ANO4: variants seen among roughly 807,000 people sequenced by gnomAD.
ANO4 encodes the protein anoctamin-4.
Under a neutral mutation model 141.9 loss-of-function variants are expected in ANO4, and 69 were observed. The ratio of observed to expected loss-of-function variants is 0.49; its 90% confidence interval spans 0.40 to 0.59. The LOEUF (loss-of-function observed/expected upper bound fraction) is 0.59. ANO4 is among the 20% of genes least tolerant of loss of function. The pLI, the probability that ANO4 is intolerant of heterozygous loss-of-function variation, is 0.00. For synonymous variants in ANO4, 350 were observed against 394.3 expected (o/e 0.89, Z 1.33); for missense variants, 894 against 1,162.2 (o/e 0.77, Z 3.36).
chr12:100,978,351 G>A (rs4764776), intron 7 of ANO4, among the ~76,000 whole-genome samples: 69,903 of 152,146 alleles, frequency 0.46, 16,642 homozygotes, highest in East Asian at 0.64. Flanking sequence ...TGCTCAAACA[G>A]TGGGGGTGGG....
At chr12:101,066,692 C>A in intron 14 of ANO4, 1 of 680,728 alleles carries the variant, frequency 1.5e-6, no homozygotes, top group Non-Finnish European at 2.7e-6. Context: ...CCTCCTGGAG[C>A]ACAGCAAGGT....
chr12:100,921,983 T>TA (rs2041653076), intron 2 of ANO4, among the ~76,000 whole-genome samples: 3 of 152,052 alleles, frequency 2.0e-5, no homozygotes. Context: ...TGTTTCCTTA[T>TA]AAAAAAGTAG....
In ANO4 at chr12:101,003,648, C is replaced by A. The variant is rs1339850805; in HGVS notation, c.734+15978C>A. Among the ~76,000 whole-genome samples, 6 of 151,942 alleles carry A rather than the reference C, an allele frequency of 3.9e-5. No individual in the cohort carries two copies. In the South Asian group the frequency reaches 6.2e-4, roughly 16 times the overall value. On this transcript the variant is annotated intron_variant, in intron 8 of 27. Transcript: ENST00000392977. ...TACGGGGCTCAGATGATGTCTCATA[C>A]TTTTTTTTATGATTTACACGTAATT...
At chr12:100,907,723 C>T (rs1235118325) in intron 2 of ANO4, among the ~76,000 whole-genome samples, 2 of 152,164 alleles carry the variant, frequency 1.3e-5, no homozygotes, top group Admixed American at 6.5e-5. Flanking sequence ...AAACTCATCC[C>T]TAGCTATTTT....
At chr12:101,100,719 T>A (rs1294581638) in intron 22 of ANO4, among the ~76,000 whole-genome samples, 3 of 152,160 alleles carry the variant, frequency 2.0e-5, no homozygotes, top group Non-Finnish European at 2.9e-5. Context: ...ACAAAACAAA[T>A]CTCAGAAGTA....
At chr12:100,735,884 T>C (rs187974339) in intron 2 of ANO4, among the ~76,000 whole-genome samples, 52 of 152,220 alleles carry the variant, frequency 3.4e-4, no homozygotes, top group African/African-American at 1.2e-3. Flanking sequence ...ATGAAGATAT[T>C]GGCACTATCT....
chr12:101,030,340 A>G (rs1262685114), intron 9 of ANO4, among the ~76,000 whole-genome samples: 1 of 152,214 alleles, frequency 6.6e-6, no homozygotes, highest in Admixed American at 6.5e-5. Context: ...AAACCACACA[A>G]TTACATGGAA....
chr12:101,056,261 T>C (rs561952796), intron 14 of ANO4, among the ~76,000 whole-genome samples: 118 of 152,318 alleles, frequency 7.7e-4, no homozygotes, highest in Non-Finnish European at 1.3e-3. Flanking sequence ...TTACATATTC[T>C]GTAATTTCTC....
intron 2 of ANO4, among the ~76,000 whole-genome samples, chr12:100,918,617 A>G (rs2041460296): frequency 6.6e-6 from 1 of 152,184 alleles, no homozygotes; most frequent in Non-Finnish European, 1.5e-5. Context: ...TTGTAATGTC[A>G]TAGTGCAATA....
chr12:100,935,573 A>G (rs1266214842), intron 3 of ANO4, among the ~76,000 whole-genome samples: 1 of 152,186 alleles, frequency 6.6e-6, no homozygotes, highest in East Asian at 1.9e-4. Context: ...AGGTGATGGG[A>G]TTCATTCACA....
chr12:100,792,298 A>G (rs2135619170), upstream of ANO4, among the ~76,000 whole-genome samples: 1 of 152,362 alleles, frequency 6.6e-6, no homozygotes, highest in Middle Eastern at 3.4e-3. Flanking sequence ...ATACAGGTAC[A>G]TAATTCAGTT....
intron 3 of ANO4, among the ~76,000 whole-genome samples, chr12:100,780,151 G>A (rs1423107404): frequency 6.6e-6 from 1 of 151,924 alleles, no homozygotes; most frequent in Non-Finnish European, 1.5e-5. Flanking sequence ...AGCCTCCCCC[G>A]AGTAGCAGAA....
At chr12:100,990,558 T>G (rs2045046873) in intron 8 of ANO4, among the ~76,000 whole-genome samples, 1 of 152,234 alleles carries the variant, frequency 6.6e-6, no homozygotes, top group South Asian at 2.1e-4. Context: ...ATTTATTCAA[T>G]AGTCACTAAT....
At chr12:101,100,027 T>C (rs1446713369) in intron 22 of ANO4, among the ~76,000 whole-genome samples, 1 of 152,172 alleles carries the variant, frequency 6.6e-6, no homozygotes, top group Non-Finnish European at 1.5e-5. Flanking sequence ...AATTACTTAA[T>C]CTCTCTTTGT....
At position 100,901,848 on chromosome 12, in the gene ANO4, A is replaced by C. The variant is rs1362716775; in HGVS notation, c.55+8A>C. 1 of 1,595,944 alleles carries C rather than the reference A, an allele frequency of 6.3e-7. No homozygotes were observed. The highest frequency in any genetic ancestry group is 8.5e-7 in the Non-Finnish European group (1 of 1,171,226). On this transcript the variant is annotated splice_region_variant and intron_variant, in intron 2 of 27. Coordinates refer to ENST00000392977, the MANE Select transcript of ANO4 (RefSeq NM_001286615.2). The stretch of plus-strand genomic sequence containing the variant: ...CCAAAGTCTTCCACCCAGGTGATGC[A>C]TGGGGAAGTTCAACGGGGACCCATT...
chr12:100,862,227 G>C (rs1458298911), intron 1 of ANO4, among the ~76,000 whole-genome samples: 1 of 152,116 alleles, frequency 6.6e-6, no homozygotes, highest in Non-Finnish European at 1.5e-5. Context: ...ACTGCACCCA[G>C]TTAAATTTTT....
intron 14 of ANO4, among the ~76,000 whole-genome samples, chr12:101,052,332 C>T (rs1241592523): frequency 3.3e-5 from 5 of 152,080 alleles, no homozygotes; most frequent in Admixed American, 6.5e-5. Flanking sequence ...CATTTTTGTT[C>T]AGAAAGGTCC....
chr12:101,116,560 G>C, intron 24 of ANO4, 119 bp from the exon 25 acceptor site: 1 of 1,418,804 alleles, frequency 7.0e-7, no homozygotes, highest in Admixed American at 1.8e-5. Flanking sequence ...TGGTTGACAA[G>C]GAAGGGCCAG....
chr12:100,798,453 T>A (rs993163873), intron 1 of ANO4, among the ~76,000 whole-genome samples: 1 of 152,152 alleles, frequency 6.6e-6, no homozygotes, highest in Non-Finnish European at 1.5e-5. Flanking sequence ...TGCAATTCAA[T>A]TGGCAACTCA....
Sources: allele counts gnomAD v4.1 joint callset (sites outside exome capture counted in the v4.1 genomes callset), GRCh38; gene constraint gnomAD v4.1.1; transcripts MANE v1.5; gene names NCBI Gene and HGNC (gene_info 2026-07-23, HGNC 2026-07-21).